LAMC3: variants seen among roughly 807,000 people sequenced by gnomAD.
LAMC3 encodes the protein laminin subunit gamma 3.
In LAMC3, 128 loss-of-function variants were observed where a neutral mutation model predicts 173.8. The ratio of observed to expected loss-of-function variants is 0.74; its 90% confidence interval spans 0.64 to 0.85. LAMC3 has a LOEUF of 0.85. Among genes scored for constraint, LAMC3 ranks in the 40% least tolerant of loss-of-function variants. LAMC3 has a pLI of 0.00. For missense variants in LAMC3, 2,022 were observed against 2,156.0 expected (o/e 0.94, Z 1.23); for synonymous variants, 897 against 909.1 (o/e 0.99, Z 0.24).
intron 13 of LAMC3, among the ~76,000 whole-genome samples, chr9:131,061,701 T>A (rs768528216): frequency 1.3e-4 from 20 of 152,280 alleles, no homozygotes; most frequent in African/African-American, 3.6e-4. Context: ...TGATTTTTTT[T>A]AAAAAGCAGC....
chr9:131,067,118 C>T lies in LAMC3; in HGVS notation c.2506C>T (p.His836Tyr), dbSNP rs775198792. 10 of 1,614,076 alleles carry T rather than the reference C, an allele frequency of 6.2e-6. No homozygotes were observed. In the South Asian group the frequency reaches 1.1e-4, roughly 18 times the overall value. Residue 836 changes from histidine (H) to tyrosine (Y), a missense_variant, in exon 14 of 28, where the codon CAC becomes TAC. His to Tyr is a moderately conservative substitution (Grantham distance 83). Transcript: ENST00000361069. ...PLSGHCLRCLHNTTGDHCEHC... is the reference protein window; with the variant it reads ...PLSGHCLRCLYNTTGDHCEHC... ...GTCTGGCCACTGCCTGCGCTGCCTG[C>T]ACAACACCACGGGTGACCACTGTGA...
intron 13 of LAMC3, among the ~76,000 whole-genome samples, chr9:131,061,429 C>T (rs758355744): frequency 1.3e-5 from 2 of 152,222 alleles, no homozygotes; most frequent in Non-Finnish European, 2.9e-5. Flanking sequence ...ACATTGCCAG[C>T]AGAATTTGGG....
rs561887414 is a variant in LAMC3, at chr9:131,026,211, G to A, written c.374-74G>A. The A allele has an allele frequency of 8.0e-5, 128 of 1,596,710 alleles. No individual in the cohort carries two copies. The highest frequency in any genetic ancestry group is 9.4e-5 in the African/African-American group (7 of 74,416). On this transcript the variant is annotated intron_variant, in intron 1 of 27. Coordinates refer to ENST00000361069, the MANE Select transcript of LAMC3 (RefSeq NM_006059.4). The surrounding 1 kb of genome is among the most constrained non-coding windows in gnomAD (Gnocchi z 4.8). ...CCACGCTAGTGCCTGCAATGCAGCC[G>A]TCTGTCCTTCCTAGACCAGGATTCC... is the stretch of plus-strand genomic sequence containing the variant.
intron 1 of LAMC3, among the ~76,000 whole-genome samples, chr9:131,011,443 A>C (rs1223039180): frequency 6.6e-6 from 1 of 152,202 alleles, no homozygotes; most frequent in Non-Finnish European, 1.5e-5. Context: ...CCATCAACTG[A>C]GTCAGCTCCA....
At position 131,091,594 on chromosome 9, in the gene LAMC3, T is replaced by A. The variant is rs1351765900; in HGVS notation, c.4535T>A (p.Leu1512Gln). The A allele has an allele frequency of 8.8e-6, 14 of 1,592,358 alleles. No homozygotes were observed. The highest frequency in any genetic ancestry group is 1.2e-5 in the Non-Finnish European group (14 of 1,169,696). ...AQALNETQWA[L>Q]ERLRLQLGSP... ...GCCCTGAACGAGACTCAGTGGGCAC[T>A]AGAACGCCTGAGGCTGCAGCTGGGC... The change falls in exon 28 of 28, where the codon CTA becomes CAA. Residue 1512 changes from leucine (L) to glutamine (Q), a missense_variant. By Grantham distance (113) the Leu-to-Gln change is moderately radical. Transcript: ENST00000361069.
At position 131,026,465 on chromosome 9, in the gene LAMC3, AGC is replaced by A; in HGVS notation, c.558_559del (p.Val187GlyfsTer6). On this transcript the variant is annotated frameshift_variant, in exon 2 of 28. Transcript: ENST00000361069. LOFTEE classifies it high-confidence loss of function. This position sits in a 1 kb window ranked among gnomAD's most constrained non-coding sequence, Gnocchi z 4.8. ...CAGTACCTGCGCCCCGGCGAGGACG[AGC>A]GCGTGGCCTTCTGCACCTCTGAGTT... The A allele has an allele frequency of 6.2e-7, 1 of 1,613,492 alleles. No individual in the cohort carries two copies. The highest frequency in any genetic ancestry group is 8.5e-7 in the Non-Finnish European group (1 of 1,179,864).
rs372288194 is a variant in LAMC3 at position 131,073,986 on chromosome 9, C to T, written c.3494+665C>T. 2.0e-4 allele frequency among the ~76,000 whole-genome samples: 30 copies of T among 148,558 alleles called. 1 individual carries two copies. In the East Asian group the frequency reaches 5.9e-3, roughly 29 times the overall value. ...TTTTGAGACGGAGTCTCGCTCTGTC[C>T]CCCAGGCTGGAGTGCAGTGGCGCTA... On this transcript the variant is annotated intron_variant, in intron 20 of 27. Transcript: ENST00000361069.
At chr9:131,041,878 G>A in intron 7 of LAMC3, 143 bp downstream of exon 7, 1 of 722,544 alleles carries the variant, frequency 1.4e-6, no homozygotes, top group East Asian at 2.7e-5. Flanking sequence ...TGCCCTTCCT[G>A]GGGCACCATG....
At chr9:131,060,911 C>A in intron 12 of LAMC3, 124 bp from the exon 13 acceptor site, 1 of 937,810 alleles carries the variant, frequency 1.1e-6, no homozygotes, top group Non-Finnish European at 1.7e-6. Flanking sequence ...GCCTTGCTGC[C>A]TCTGCCTGGG....
Position 131,009,446 on chromosome 9 carries a change from G to C in LAMC3, c.232G>C (p.Asp78His), listed in dbSNP as rs1280847112. 6.5e-7 allele frequency: 1 copy of C among 1,546,054 alleles called. No homozygotes were observed. The highest frequency in any genetic ancestry group is 1.2e-5 in the South Asian group (1 of 83,912). Residue 78 changes from aspartate (D) to histidine (H), a missense_variant, in exon 1 of 28, where the codon GAC becomes CAC. Coordinates refer to ENST00000361069, the MANE Select transcript of LAMC3 (RefSeq NM_006059.4). The surrounding 1 kb of genome is among the most constrained non-coding windows in gnomAD (Gnocchi z 4.3). ...AGAGAHCQRC[D>H]AADPQRHHNA... is the part of the protein sequence containing the mutation. ...CGCGGGGGCTCATTGCCAGCGCTGC[G>C]ACGCCGCCGACCCCCAGCGCCACCA... is the stretch of plus-strand genomic sequence containing the variant.
intron 1 of LAMC3, among the ~76,000 whole-genome samples, chr9:131,013,177 C>T (rs1833455541): frequency 6.6e-6 from 1 of 152,230 alleles, no homozygotes; most frequent in African/African-American, 2.4e-5. Context: ...AGATCAGTTG[C>T]TTGGGGTCGC....
Position 131,026,730 on chromosome 9 carries a change from G to A in LAMC3, c.678+141G>A. On this transcript the variant is annotated intron_variant, in intron 2 of 27. Coordinates refer to ENST00000361069, the MANE Select transcript of LAMC3 (RefSeq NM_006059.4). The surrounding 1 kb of genome is among the most constrained non-coding windows in gnomAD (Gnocchi z 4.8). ...TTCTTTTTCTTCTTTTATTTTTGGA[G>A]ACTGAGTCTTGCTCTGTCGCCCAGG... 7.2e-7 allele frequency: 1 copy of A among 1,384,044 alleles called. No individual in the cohort carries two copies. Among genetic ancestry groups the A allele is most frequent in the Non-Finnish European group, 9.5e-7 (1 of 1,055,530 alleles). 85.7% of individuals were successfully genotyped at this position (1,384,044 alleles called of 1,614,324 possible).
intron 2 of LAMC3, among the ~76,000 whole-genome samples, chr9:131,031,648 C>T (rs919794686): frequency 5.9e-5 from 9 of 152,170 alleles, no homozygotes; most frequent in Admixed American, 4.6e-4. Flanking sequence ...CCTGCACAAC[C>T]GGGTCTTCAG....
At chr9:131,019,135 G>C (rs1193654692) in intron 1 of LAMC3, among the ~76,000 whole-genome samples, 1 of 152,208 alleles carries the variant, frequency 6.6e-6, no homozygotes, top group African/African-American at 2.4e-5. Flanking sequence ...GGTGGTGCAC[G>C]CTTGTAATCC....
chr9:131,087,766 A>G lies in LAMC3; in HGVS notation c.4426A>G (p.Ile1476Val), dbSNP rs373747011. The change falls in exon 27 of 28, where the codon ATC (isoleucine) becomes GTC (valine). Residue 1476 changes from isoleucine (I) to valine (V), a missense_variant. By Grantham distance (29) the Ile-to-Val change is conservative. Coordinates refer to ENST00000361069, the MANE Select transcript of LAMC3 (RefSeq NM_006059.4). ...EMEQQIRESR[I>V]SLEKDIETLS... ...GGAGCAGCAGATCCGGGAATCGCGT[A>G]TCTCACTGGAGAAGGACATCGAGAC... 4 of 1,614,040 alleles carry G rather than the reference A, an allele frequency of 2.5e-6. No individual in the cohort carries two copies. The African/African-American group carries it at 5.3e-5, about 22-fold the overall frequency.
chr9:131,055,424 T>TC (rs1834381278), intron 11 of LAMC3, among the ~76,000 whole-genome samples: 1 of 6,206 alleles, frequency 1.6e-4, no homozygotes, highest in Non-Finnish European at 7.8e-4. Context: ...CTTTTCTTTC[T>TC]TTTTTTTTTT....
At chr9:131,083,254 C>T (rs951364627) in intron 24 of LAMC3, among the ~76,000 whole-genome samples, 19 of 152,108 alleles carry the variant, frequency 1.2e-4, no homozygotes, top group Admixed American at 1.1e-3. Flanking sequence ...TTCTCATTGT[C>T]GGGTTCTGAG....
At chr9:131,064,664 CAA>C (rs36112492) in intron 13 of LAMC3, among the ~76,000 whole-genome samples, 14 of 32,454 alleles carry the variant, frequency 4.3e-4, no homozygotes, top group South Asian at 3.2e-3. Flanking sequence ...ACTCCGTCTC[CAA>C]AAAAAAAAAA....
chr9:131,055,105 A>C (rs1019472471), intron 11 of LAMC3, among the ~76,000 whole-genome samples: 1 of 152,108 alleles, frequency 6.6e-6, no homozygotes, highest in Non-Finnish European at 1.5e-5. Context: ...AGCCTCATAG[A>C]AAGGTCTTGG....
Sources: gnomAD v4.1 joint callset for allele counts (sites outside exome capture counted in the v4.1 genomes callset) on GRCh38, gnomAD v4.1.1 for gene constraint, Gnocchi (gnomAD v3.1) non-coding constraint, MANE v1.5 for transcripts, NCBI Gene and HGNC (gene_info 2026-07-23, HGNC 2026-07-21) for gene names.